Variants in RGS6 observed in about 807,000 individuals in gnomAD.
RGS6 encodes the protein regulator of G-protein signaling 6.
RGS6 carries 30 observed loss-of-function variants against 78.5 expected under a neutral mutation model. That is an observed-to-expected ratio of 0.38 (90% confidence interval 0.29 to 0.52). The LOEUF (loss-of-function observed/expected upper bound fraction) is 0.52, where lower values mean the gene tolerates loss of function less well. RGS6 is among the 20% of genes least tolerant of loss of function. RGS6 has a pLI of 0.85. For missense variants in RGS6, 495 were observed against 609.7 expected (o/e 0.81, Z 1.98); for synonymous variants, 206 against 206.0 (o/e 1.00, Z 0.00).
At chr14:72,169,383 T>G (rs918181902) in intron 2 of RGS6, among the ~76,000 whole-genome samples, 2 of 152,198 alleles carry the variant, frequency 1.3e-5, no homozygotes, top group African/African-American at 2.4e-5. Flanking sequence ...AAGGAAACTT[T>G]TAGAGAGTCC....
chr14:72,190,785 G>A (rs953710639), intron 2 of RGS6, among the ~76,000 whole-genome samples: 1 of 152,198 alleles, frequency 6.6e-6, no homozygotes, highest in Non-Finnish European at 1.5e-5. Context: ...GCCCACCAAA[G>A]CATGGATTAC....
intron 1 of RGS6, among the ~76,000 whole-genome samples, chr14:71,959,900 G>A (rs1476691232): frequency 2.0e-5 from 3 of 152,188 alleles, no homozygotes; most frequent in African/African-American, 4.8e-5. Flanking sequence ...AGCTGGAAAC[G>A]TAGGGTGGGA....
chr14:72,086,212 A>G (rs12883161), intron 2 of RGS6, among the ~76,000 whole-genome samples: 55,246 of 152,158 alleles, frequency 0.36, 11,211 homozygotes, highest in Non-Finnish European at 0.46. Context: ...TACTGATAAC[A>G]TGATGGGAGA....
chr14:72,184,568 T>A (rs2097214881), intron 2 of RGS6, among the ~76,000 whole-genome samples: 1 of 152,210 alleles, frequency 6.6e-6, no homozygotes, highest in Non-Finnish European at 1.5e-5. Flanking sequence ...AAACTATGAC[T>A]GTTTTTAAAC....
At chr14:72,204,635 T>C (rs148665002) in intron 2 of RGS6, among the ~76,000 whole-genome samples, 272 of 152,304 alleles carry the variant, frequency 1.8e-3, no homozygotes, top group Non-Finnish European at 2.6e-3. Flanking sequence ...AGGTGGCACC[T>C]TCTTGCTGTG....
chr14:71,954,421 G>T (rs1318040966), intron 1 of RGS6, among the ~76,000 whole-genome samples: 1 of 151,564 alleles, frequency 6.6e-6, no homozygotes, highest in African/African-American at 2.4e-5. Flanking sequence ...CAAGCTCATG[G>T]AGTCTTAAAA....
chr14:72,177,030 C>T lies in RGS6; in HGVS notation c.85-175065C>T, dbSNP rs142109596. Among the ~76,000 whole-genome samples the T allele has an allele frequency of 4.0e-4, 61 of 152,150 alleles. No individual in the cohort carries two copies. The East Asian group carries it at 9.9e-3, about 25-fold the overall frequency. On this transcript the variant is annotated intron_variant, in intron 2 of 17. Transcript: ENST00000553525. The stretch of plus-strand genomic sequence containing the variant: ...TCTGACTTTCTTCTCCTCAATATAA[C>T]GTTTATGAAATTTATCCAAGATTTT...
intron 6 of RGS6, among the ~76,000 whole-genome samples, chr14:72,463,594 T>A (rs2095835331): frequency 1.3e-5 from 2 of 152,270 alleles, no homozygotes; most frequent in Non-Finnish European, 2.9e-5. Flanking sequence ...TTTCTTGGGA[T>A]GACTCTGCCT....
chr14:72,288,378 G>A (rs113589067), intron 2 of RGS6, among the ~76,000 whole-genome samples: 1 of 152,182 alleles, frequency 6.6e-6, no homozygotes, highest in African/African-American at 2.4e-5. Flanking sequence ...TGAATGGAAG[G>A]GATCCAGTGC....
At chr14:72,473,141 C>T (rs1336934585) in intron 9 of RGS6, among the ~76,000 whole-genome samples, 188 bp downstream of exon 9, 1 of 152,192 alleles carries the variant, frequency 6.6e-6, no homozygotes, top group African/African-American at 2.4e-5. Context: ...GTAAGTTCCA[C>T]CTTTTAAAAA....
intron 3 of RGS6, among the ~76,000 whole-genome samples, chr14:72,439,107 C>G (rs1250355585): frequency 6.6e-6 from 1 of 152,212 alleles, no homozygotes; most frequent in Non-Finnish European, 1.5e-5. Flanking sequence ...TCAGTAGTCC[C>G]CAGTGATCCT....
chr14:71,998,086 A>C (rs1032062693), intron 2 of RGS6, among the ~76,000 whole-genome samples: 1 of 152,186 alleles, frequency 6.6e-6, no homozygotes, highest in Non-Finnish European at 1.5e-5. Flanking sequence ...ATGAGACATC[A>C]ATCAATGTAT....
At chr14:72,063,106 C>T (rs888315327) in intron 2 of RGS6, among the ~76,000 whole-genome samples, 4 of 152,194 alleles carry the variant, frequency 2.6e-5, no homozygotes, top group East Asian at 1.9e-4. Context: ...TACAATCATG[C>T]GCCACCACGC....
At chr14:72,190,181 C>T (rs529154000) in intron 2 of RGS6, among the ~76,000 whole-genome samples, 2 of 152,306 alleles carry the variant, frequency 1.3e-5, no homozygotes, top group Non-Finnish European at 2.9e-5. Flanking sequence ...CTTCATGGTT[C>T]CTCCCTGAGC....
the RGS6 span, chr14:72,619,152 G>C: frequency 1.7e-5 from 13 of 774,490 alleles, no homozygotes; most frequent in Non-Finnish European, 1.8e-5. Context: ...CACCCTCTTC[G>C]TTCCATGTGT....
chr14:72,183,019 A>G (rs201304949), intron 2 of RGS6, among the ~76,000 whole-genome samples: 1 of 152,206 alleles, frequency 6.6e-6, no homozygotes, highest in East Asian at 1.9e-4. Flanking sequence ...AGGTCCCAGA[A>G]ACATTTGATA....
intron 2 of RGS6, among the ~76,000 whole-genome samples, chr14:72,145,573 G>A (rs2096596983): frequency 6.6e-6 from 1 of 152,164 alleles, no homozygotes; most frequent in Admixed American, 6.5e-5. Context: ...CTACCTCCTG[G>A]GTTCAAGCGA....
chr14:71,974,379 A>G (rs1278315563), intron 2 of RGS6, among the ~76,000 whole-genome samples: 1 of 152,238 alleles, frequency 6.6e-6, no homozygotes, highest in African/African-American at 2.4e-5. Flanking sequence ...AATAAGGGAA[A>G]GAATATGCAA....
chr14:72,575,334 A>G, the RGS6 span, among the ~76,000 whole-genome samples: 1 of 152,162 alleles, frequency 6.6e-6, no homozygotes, highest in Admixed American at 6.5e-5. Flanking sequence ...TCAGAATGAC[A>G]GCAGAAGGTG....
Sources: gnomAD v4.1 joint callset for allele counts (sites outside exome capture counted in the v4.1 genomes callset) on GRCh38, gnomAD v4.1.1 for gene constraint, MANE v1.5 for transcripts, NCBI Gene and HGNC (gene_info 2026-07-23, HGNC 2026-07-21) for gene names.